SKAP2: variants seen among roughly 807,000 people sequenced by gnomAD.
SKAP2 encodes the protein src kinase-associated phosphoprotein 2.
SKAP2 carries 28 observed loss-of-function variants against 54.9 expected under a neutral mutation model. The ratio of observed to expected loss-of-function variants is 0.51; its 90% CI spans 0.38 to 0.70. The LOEUF (loss-of-function observed/expected upper bound fraction) is 0.70. Among genes scored for constraint, SKAP2 ranks in the 30% least tolerant of loss-of-function variants. SKAP2 has a pLI of 0.00. For synonymous variants in SKAP2, 137 were observed against 134.3 expected, an observed-to-expected ratio of 1.02 and a Z score of -0.14; for missense variants, 356 against 424.1, an observed-to-expected ratio of 0.84 and a Z score of 1.41.
chr7:26,794,691 A>C (rs1783736356), intron 4 of SKAP2, among the ~76,000 whole-genome samples: 3 of 151,968 alleles, frequency 2.0e-5, no homozygotes, highest in Admixed American at 1.3e-4. Context: ...AGATTGTAAA[A>C]AGGTGGATAT....
In SKAP2 at chr7:26,864,415, G is replaced by A. The variant is rs766752390; in HGVS notation, c.15C>T (p.Ser5=). 6.2e-7 allele frequency: 1 copy of A among 1,610,296 alleles called. No homozygotes were observed. The highest frequency in any genetic ancestry group is 2.2e-5 in the East Asian group (1 of 44,578). The change falls in exon 1 of 13, where the codon AGC becomes AGT. Residue 5 remains serine, a synonymous_variant. Coordinates refer to ENST00000345317, the MANE Select transcript of SKAP2 (RefSeq NM_003930.5). ...GGAGGGGGTAGGGAGAGGAGGTGCT[G>A]CTGGGGTTGGGCATGTTAGGGAGCG... MPNP[S]STSSPYPLPE...
At chr7:26,685,396 G>T (rs1584329660) in intron 10 of SKAP2, among the ~76,000 whole-genome samples, 1 of 152,050 alleles carries the variant, frequency 6.6e-6, no homozygotes, top group Admixed American at 6.6e-5. Flanking sequence ...ACAACAACGT[G>T]GAAACGGTAT....
At chr7:26,659,670 G>C in the SKAP2 span, among the ~76,000 whole-genome samples, 1 of 152,016 alleles carries the variant, frequency 6.6e-6, no homozygotes, top group East Asian at 1.9e-4. Context: ...ACAGTATTAG[G>C]ATTCAAAGAA....
At chr7:26,817,637 A>T (rs1784297961) in intron 4 of SKAP2, among the ~76,000 whole-genome samples, 1 of 152,122 alleles carries the variant, frequency 6.6e-6, no homozygotes, top group Admixed American at 6.6e-5. Context: ...ATTTCTTTTT[A>T]AAAAATCAAA....
At chr7:26,829,458 C>T (rs1001622782) in intron 4 of SKAP2, among the ~76,000 whole-genome samples, 6 of 152,124 alleles carry the variant, frequency 3.9e-5, no homozygotes, top group African/African-American at 1.4e-4. Flanking sequence ...TGAGAGGATT[C>T]GTTGAGCCCA....
chr7:26,740,151 TAAAAAAA>T (rs60264987), intron 4 of SKAP2, among the ~76,000 whole-genome samples, 187 bp from the exon 5 acceptor site: 87,678 of 129,836 alleles, frequency 0.68, 27,873 homozygotes, highest in East Asian at 0.85. Context: ...GTCTCAAAAG[TAAAAAAA>T]AAAAAAAAAA....
intron 4 of SKAP2, among the ~76,000 whole-genome samples, chr7:26,777,322 A>AT (rs751199885): frequency 1.8e-4 from 27 of 152,192 alleles, no homozygotes; most frequent in Non-Finnish European, 3.1e-4. Flanking sequence ...TAAGTTATGG[A>AT]TTTTTTTCAG....
chr7:26,704,570 A>G (rs1369490594), intron 9 of SKAP2, among the ~76,000 whole-genome samples: 2 of 152,230 alleles, frequency 1.3e-5, no homozygotes, highest in Non-Finnish European at 1.5e-5. Flanking sequence ...GTTTTTAAGA[A>G]GTTTTCAATT....
At chr7:26,767,625 G>T (rs1200699155) in intron 4 of SKAP2, among the ~76,000 whole-genome samples, 2 of 152,132 alleles carry the variant, frequency 1.3e-5, no homozygotes, top group Non-Finnish European at 2.9e-5. Flanking sequence ...TCTAAACACT[G>T]CTTTAGCTGT....
Position 26,675,326 on chromosome 7 carries a change from A to C in SKAP2, c.988-5134T>G, listed in dbSNP as rs557896741. On this transcript the variant is annotated intron_variant, in intron 11 of 12. Coordinates refer to ENST00000345317, the MANE Select transcript of SKAP2 (RefSeq NM_003930.5). Reference sequence around the variant, plus strand: ...TGTATGTAGTGCTTCCTTCCCAGAGACATCTCCTCTCCCTCAGCCAAATCC... The same window carrying C: ...TGTATGTAGTGCTTCCTTCCCAGAGCCATCTCCTCTCCCTCAGCCAAATCC... 8.5e-5 allele frequency among the ~76,000 whole-genome samples: 13 copies of C among 152,230 alleles called. No individual in the cohort carries two copies. The South Asian group carries it at 2.7e-3, about 32-fold the overall frequency.
chr7:26,663,458 C>T (rs189696538), downstream of SKAP2, among the ~76,000 whole-genome samples: 133 of 152,182 alleles, frequency 8.7e-4, no homozygotes, highest in Admixed American at 2.5e-3. Context: ...TGGGTGTCCA[C>T]GGAATAAGAC....
intron 11 of SKAP2, among the ~76,000 whole-genome samples, chr7:26,672,489 A>G (rs1406646605): frequency 6.6e-6 from 1 of 152,038 alleles, no homozygotes; most frequent in East Asian, 1.9e-4. Flanking sequence ...AGACTAAAAT[A>G]ATCTTAAATG....
At chr7:26,721,778 T>G (rs1312696636) in intron 9 of SKAP2, among the ~76,000 whole-genome samples, 1 of 152,118 alleles carries the variant, frequency 6.6e-6, no homozygotes, top group Non-Finnish European at 1.5e-5. Flanking sequence ...TACAATTTCC[T>G]GCCATTAAAG....
At chr7:26,790,351 ATGAC>A (rs930250723) in intron 4 of SKAP2, among the ~76,000 whole-genome samples, 9 of 152,220 alleles carry the variant, frequency 5.9e-5, no homozygotes, top group African/African-American at 2.2e-4. Context: ...TTCACATCAA[ATGAC>A]TGACAGAAGA....
chr7:26,786,085 G>A (rs1204382672), intron 4 of SKAP2, among the ~76,000 whole-genome samples: 1 of 152,204 alleles, frequency 6.6e-6, no homozygotes, highest in Non-Finnish European at 1.5e-5. Flanking sequence ...GGCCCAATTA[G>A]GGCCCTCCAA....
intron 5 of SKAP2, 50 bp from the exon 6 acceptor site, chr7:26,738,928 A>G (rs746584183): frequency 9.7e-7 from 1 of 1,025,666 alleles, no homozygotes; most frequent in Non-Finnish European, 1.5e-6. Context: ...TGTAAAAGAA[A>G]AAGTTAATTA....
intron 9 of SKAP2, among the ~76,000 whole-genome samples, chr7:26,707,361 G>GA (rs1032822174): frequency 0.013 from 1,813 of 140,070 alleles, 28 homozygotes; most frequent in African/African-American, 0.039. Context: ...TACCATTTCA[G>GA]AAAAAAAAAA....
chr7:26,763,753 A>G (rs1258229385), intron 4 of SKAP2, among the ~76,000 whole-genome samples: 1 of 152,142 alleles, frequency 6.6e-6, no homozygotes, highest in Non-Finnish European at 1.5e-5. Context: ...ACGTACTTAC[A>G]CAAACTTAGA....
At chr7:26,839,871 ATTAT>A (rs1381058106) in intron 4 of SKAP2, among the ~76,000 whole-genome samples, 1 of 152,064 alleles carries the variant, frequency 6.6e-6, no homozygotes, top group East Asian at 1.9e-4. Flanking sequence ...CTAAGAGCTA[ATTAT>A]TTATAGGCAT....
Sources: allele counts gnomAD v4.1 joint callset (sites outside exome capture counted in the v4.1 genomes callset), GRCh38; gene constraint gnomAD v4.1.1; transcripts MANE v1.5; gene names NCBI Gene and HGNC (gene_info 2026-07-23, HGNC 2026-07-21).